NR2F1-AS1: variants seen among roughly 807,000 people sequenced by gnomAD.
The protein encoded by NR2F1-AS1 is NR2F1 regulatory antisense RNA 1, also known as NR2F1 antisense RNA 1.
intron 4 of NR2F1-AS1, among the ~76,000 whole-genome samples, chr5:93,497,511 G>GA (rs1424862862): frequency 2.0e-5 from 3 of 152,130 alleles, no homozygotes; most frequent in African/African-American, 4.8e-5. Context: ...CAATTAGATG[G>GA]AAAATTGAGC....
intron 1 of NR2F1-AS1, chr5:93,570,645 C>T (rs914989633): frequency 5.1e-4 from 77 of 152,318 alleles, no homozygotes; most frequent in African/African-American, 1.6e-3. Context: ...GCCCCCGGCG[C>T]AGGCCCGGTG....
chr5:93,537,500 T>C (rs1237336948), intron 4 of NR2F1-AS1, among the ~76,000 whole-genome samples: 2 of 152,084 alleles, frequency 1.3e-5, no homozygotes, highest in African/African-American at 4.8e-5. Flanking sequence ...CAAAAGACCT[T>C]AATAGACATT....
intron 4 of NR2F1-AS1, among the ~76,000 whole-genome samples, chr5:93,415,141 C>T (rs1484476000): frequency 6.6e-6 from 1 of 152,174 alleles, no homozygotes; most frequent in East Asian, 1.9e-4. Context: ...TACTTTGGTA[C>T]CTCTCAACAA....
intron 4 of NR2F1-AS1, among the ~76,000 whole-genome samples, chr5:93,491,203 T>A (rs549673453): frequency 6.6e-6 from 1 of 150,784 alleles, no homozygotes; most frequent in South Asian, 2.1e-4. Context: ...TGGTGGTTGT[T>A]CCCGGTAATG....
chr5:93,478,528 T>C (rs1750535296), intron 4 of NR2F1-AS1, among the ~76,000 whole-genome samples: 1 of 152,116 alleles, frequency 6.6e-6, no homozygotes, highest in South Asian at 2.1e-4. Flanking sequence ...TTCAGCCTCC[T>C]GAGTAGCTGA....
chr5:93,557,039 A>T (rs1752372933), intron 2 of NR2F1-AS1, among the ~76,000 whole-genome samples: 1 of 152,224 alleles, frequency 6.6e-6, no homozygotes, highest in Non-Finnish European at 1.5e-5. Flanking sequence ...TAGCTAAGCC[A>T]ATCTAGTGCC....
chr5:93,474,562 C>T (rs1405618508), intron 4 of NR2F1-AS1, among the ~76,000 whole-genome samples: 1 of 152,126 alleles, frequency 6.6e-6, no homozygotes, highest in East Asian at 1.9e-4. Context: ...ACTAACAGAT[C>T]CAGTGCCTGG....
chr5:93,507,379 C>T (rs931255219), intron 4 of NR2F1-AS1, among the ~76,000 whole-genome samples: 42 of 150,524 alleles, frequency 2.8e-4, no homozygotes, highest in African/African-American at 7.4e-4. Context: ...TGTTTGGAGA[C>T]GAAGTCTCGC....
intron 4 of NR2F1-AS1, among the ~76,000 whole-genome samples, chr5:93,511,086 A>G (rs372661307): frequency 2.0e-5 from 3 of 152,250 alleles, no homozygotes; most frequent in South Asian, 2.1e-4. Flanking sequence ...TTATGTGTCA[A>G]TTTGAATGGG....
intron 1 of NR2F1-AS1, among the ~76,000 whole-genome samples, chr5:93,568,322 T>A (rs1054120051): frequency 6.6e-6 from 1 of 152,214 alleles, no homozygotes; most frequent in African/African-American, 2.4e-5. Flanking sequence ...GTATATTTAT[T>A]TATACTTTTA....
chr5:93,472,875 G>C (rs1353120493), intron 4 of NR2F1-AS1, among the ~76,000 whole-genome samples: 2 of 151,800 alleles, frequency 1.3e-5, no homozygotes, highest in Non-Finnish European at 3.0e-5. Flanking sequence ...TTGGATATTT[G>C]AAATAATAGC....
intron 4 of NR2F1-AS1, among the ~76,000 whole-genome samples, chr5:93,442,331 C>T (rs1749591014): frequency 6.6e-6 from 1 of 152,184 alleles, no homozygotes; most frequent in African/African-American, 2.4e-5. Context: ...AAAATCGGGA[C>T]ACCCTCACCC....
chr5:93,517,231 A>T (rs1751416011), intron 4 of NR2F1-AS1, among the ~76,000 whole-genome samples: 1 of 151,962 alleles, frequency 6.6e-6, no homozygotes, highest in Non-Finnish European at 1.5e-5. Context: ...AAAGTACTAT[A>T]CAACTGCTGA....
intron 4 of NR2F1-AS1, among the ~76,000 whole-genome samples, chr5:93,497,384 T>C (rs1750983619): frequency 6.6e-6 from 1 of 152,186 alleles, no homozygotes. Context: ...AAACCAAATA[T>C]AAGGTTGTGT....
intron 4 of NR2F1-AS1, among the ~76,000 whole-genome samples, chr5:93,476,655 T>C (rs1193413768): frequency 6.6e-6 from 1 of 152,206 alleles, no homozygotes; most frequent in Non-Finnish European, 1.5e-5. Flanking sequence ...CCTAACGTTA[T>C]TGGAGAACCA....
In NR2F1-AS1 at chr5:93,511,905, C is replaced by T. The variant is rs1234836014; in HGVS notation, n.638+41856G>A. ...ACCATGCCCCATCATCCCTGGTCCA[C>T]AGAATAATTGTCTTCCACGTTTAGG... On this transcript the variant is annotated intron_variant and non_coding_transcript_variant, in intron 4 of 5. Transcript: ENST00000660523. Among the ~76,000 whole-genome samples the T allele has an allele frequency of 3.9e-5, 6 of 152,252 alleles. 1 individual carries two copies. The highest frequency in any genetic ancestry group is 3.3e-4 in the Admixed American group (5 of 15,278).
intron 4 of NR2F1-AS1, among the ~76,000 whole-genome samples, chr5:93,490,216 C>T (rs1371674106): frequency 6.6e-6 from 1 of 152,164 alleles, no homozygotes; most frequent in African/African-American, 2.4e-5. Context: ...TAAGTTATTG[C>T]CCTTTAAATG....
At chr5:93,500,939 C>T (rs1478914542) in intron 4 of NR2F1-AS1, among the ~76,000 whole-genome samples, 1 of 152,242 alleles carries the variant, frequency 6.6e-6, no homozygotes, top group East Asian at 1.9e-4. Flanking sequence ...TTAAAAAATA[C>T]ATTTTGTAAG....
intron 4 of NR2F1-AS1, among the ~76,000 whole-genome samples, chr5:93,459,593 A>T (rs1750045208): frequency 6.6e-6 from 1 of 152,172 alleles, no homozygotes; most frequent in Non-Finnish European, 1.5e-5. Context: ...TTGACAAAAC[A>T]TTTTTAAATT....
Sources: gnomAD v4.1 joint callset for allele counts (sites outside exome capture counted in the v4.1 genomes callset) on GRCh38, gnomAD v4.1.1 for gene constraint, MANE v1.5 for transcripts, NCBI Gene and HGNC (gene_info 2026-07-23, HGNC 2026-07-21) for gene names.